Variants in AK4 observed in about 807,000 individuals in gnomAD.
AK4 encodes the protein adenylate kinase 4, mitochondrial.
In AK4, 13 loss-of-function variants were observed where a neutral mutation model predicts 24.6. That is an observed-to-expected ratio of 0.53 (90% CI 0.34 to 0.84). AK4 has a LOEUF of 0.84. Ranked by LOEUF, AK4 falls within the 40% of genes least tolerant of loss-of-function variation. The pLI is 0.01. For synonymous variants in AK4, 88 were observed against 107.0 expected, an observed-to-expected ratio of 0.82 and a Z score of 1.10; for missense variants, 192 against 288.2, an observed-to-expected ratio of 0.67 and a Z score of 2.42.
chr1:65,190,218 ATCTT>A (rs976461974), intron 1 of AK4, among the ~76,000 whole-genome samples: 2 of 148,536 alleles, frequency 1.3e-5, no homozygotes, highest in Admixed American at 6.7e-5. Flanking sequence ...TGACCAATTT[ATCTT>A]TCTTTCTTTC....
At chr1:65,166,762 T>G (rs1431574052) in intron 1 of AK4, among the ~76,000 whole-genome samples, 1 of 152,142 alleles carries the variant, frequency 6.6e-6, no homozygotes, top group Non-Finnish European at 1.5e-5. Flanking sequence ...CTCAAGCAGT[T>G]CTCCCACTTT....
chr1:65,216,607 G>C (rs1652139328), intron 2 of AK4, among the ~76,000 whole-genome samples: 1 of 146,104 alleles, frequency 6.8e-6, no homozygotes, highest in South Asian at 2.1e-4. Context: ...TCTTGAGGTT[G>C]TTTGGGCTGT....
At chr1:65,158,823 T>A (rs993218526) in intron 1 of AK4, among the ~76,000 whole-genome samples, 48 of 152,162 alleles carry the variant, frequency 3.2e-4, no homozygotes, top group African/African-American at 3.4e-4. Context: ...AGATTTTTTT[T>A]AAAAAAGCAT....
chr1:65,214,879 C>T (rs368151026), intron 2 of AK4, among the ~76,000 whole-genome samples: 1 of 152,258 alleles, frequency 6.6e-6, no homozygotes, highest in African/African-American at 2.4e-5. Context: ...CTTTCCTTCC[C>T]AGCTCACTTC....
chr1:65,207,274 T>A (rs897706420), intron 2 of AK4, among the ~76,000 whole-genome samples: 1 of 152,144 alleles, frequency 6.6e-6, no homozygotes, highest in Non-Finnish European at 1.5e-5. Context: ...TGGAGTGCAG[T>A]GGCACGATCA....
chr1:65,162,137 G>C (rs1225212844), intron 1 of AK4, among the ~76,000 whole-genome samples: 1 of 152,154 alleles, frequency 6.6e-6, no homozygotes, highest in African/African-American at 2.4e-5. Flanking sequence ...TGTAGTCCCA[G>C]CTACTGGGAG....
At chr1:65,183,407 C>A (rs1313872391) in intron 1 of AK4, among the ~76,000 whole-genome samples, 1 of 152,066 alleles carries the variant, frequency 6.6e-6, no homozygotes. Context: ...CACACCATCA[C>A]GCCCAGCTAA....
intron 2 of AK4, among the ~76,000 whole-genome samples, chr1:65,206,745 C>T (rs953150725): frequency 2.0e-5 from 3 of 152,200 alleles, no homozygotes; most frequent in South Asian, 2.1e-4. Context: ...CATCACTGCC[C>T]TCCTTCCTGG....
At chr1:65,218,399 T>A (rs1344525040) in intron 2 of AK4, among the ~76,000 whole-genome samples, 1 of 152,252 alleles carries the variant, frequency 6.6e-6, no homozygotes, top group Non-Finnish European at 1.5e-5. Flanking sequence ...TAGCGCATTT[T>A]AAATTTTTAT....
At chr1:65,166,542 A>G (rs1251777758) in intron 1 of AK4, among the ~76,000 whole-genome samples, 1 of 152,116 alleles carries the variant, frequency 6.6e-6, no homozygotes, top group African/African-American at 2.4e-5. Flanking sequence ...TTTTTTTTGA[A>G]ATAGTCTTGC....
intron 1 of AK4, among the ~76,000 whole-genome samples, chr1:65,168,240 G>A (rs927468026): frequency 6.7e-6 from 1 of 148,318 alleles, no homozygotes; most frequent in South Asian, 2.1e-4. Context: ...TCCGCCTCCC[G>A]GGTTCAAGCT....
chr1:65,188,228 C>G (rs986198099), intron 1 of AK4, among the ~76,000 whole-genome samples: 1 of 152,004 alleles, frequency 6.6e-6, no homozygotes, highest in Non-Finnish European at 1.5e-5. Context: ...AACCCTGTCT[C>G]TACTAAAAAT....
chr1:65,200,953 C>T (rs887621659), intron 2 of AK4, among the ~76,000 whole-genome samples: 9 of 152,076 alleles, frequency 5.9e-5, no homozygotes, highest in Non-Finnish European at 1.2e-4. Context: ...GCCACCACGC[C>T]CAGCTAATTT....
In AK4 at chr1:65,155,869, C is replaced by T. The variant is rs558688829; in HGVS notation, c.145+7317C>T. Among the ~76,000 whole-genome samples, 199 of 152,124 alleles carry T rather than the reference C, an allele frequency of 1.3e-3. 1 individual carries two copies. The highest frequency in any genetic ancestry group is 4.4e-3 in the African/African-American group (182 of 41,478). On this transcript the variant is annotated intron_variant, in intron 1 of 4. Coordinates refer to ENST00000327299, the MANE Select transcript of AK4 (RefSeq NM_013410.4). ...GTATTTTTAGTAGAGACGGTTTCACCGTATTGGCCAGGCTGGTCTCGAACT... is the reference window on the plus strand; with the variant it reads ...GTATTTTTAGTAGAGACGGTTTCACTGTATTGGCCAGGCTGGTCTCGAACT...
chr1:65,212,234 G>C (rs1341949642), intron 2 of AK4, among the ~76,000 whole-genome samples: 1 of 152,126 alleles, frequency 6.6e-6, no homozygotes, highest in Non-Finnish European at 1.5e-5. Flanking sequence ...GTGTTATAAG[G>C]ATGCCACCAT....
At chr1:65,162,054 C>T (rs1345527772) in intron 1 of AK4, among the ~76,000 whole-genome samples, 1 of 152,010 alleles carries the variant, frequency 6.6e-6, no homozygotes, top group Non-Finnish European at 1.5e-5. Context: ...TTGAGACCAG[C>T]CTGGGTAACA....
chr1:65,224,491 T>G (rs961309542), intron 3 of AK4, among the ~76,000 whole-genome samples: 1 of 152,162 alleles, frequency 6.6e-6, no homozygotes, highest in Admixed American at 6.5e-5. Context: ...AAAGTACCAT[T>G]TATCAACAGC....
intron 1 of AK4, among the ~76,000 whole-genome samples, chr1:65,151,376 C>T (rs1034137832): frequency 6.6e-6 from 1 of 152,064 alleles, no homozygotes; most frequent in Admixed American, 6.6e-5. Flanking sequence ...GGCTGCTGTG[C>T]GTCAATGTTC....
At chr1:65,218,954 C>G (rs767968144) in intron 3 of AK4, 28 bp downstream of exon 3, 2 of 1,495,128 alleles carry the variant, frequency 1.3e-6, no homozygotes, top group East Asian at 4.9e-5. Context: ...GCTTTCACAA[C>G]CTGACAAGAA....
Sources: allele counts gnomAD v4.1 joint callset (sites outside exome capture counted in the v4.1 genomes callset), GRCh38; gene constraint gnomAD v4.1.1; transcripts MANE v1.5; gene names NCBI Gene and HGNC (gene_info 2026-07-23, HGNC 2026-07-21).